Variants in LDB2 observed in about 807,000 individuals in gnomAD.
LDB2 encodes LIM domain-binding protein 2.
A neutral mutation model predicts 44.3 loss-of-function variants in LDB2; 12 were observed. The ratio of observed to expected loss-of-function variants is 0.27; its 90% confidence interval spans 0.17 to 0.44. LDB2 has a LOEUF of 0.44. LDB2 is among the 20% of genes least tolerant of loss of function. The pLI is 1.00. For missense variants in LDB2, 344 were observed against 473.5 expected (o/e 0.73, Z 2.54); for synonymous variants, 164 against 174.8 (o/e 0.94, Z 0.49).
intron 2 of LDB2, among the ~76,000 whole-genome samples, chr4:16,679,235 T>C (rs1029454417): frequency 6.6e-6 from 1 of 152,142 alleles, no homozygotes; most frequent in Non-Finnish European, 1.5e-5. Flanking sequence ...AATGATTCTT[T>C]TAATTTTTGA....
intron 2 of LDB2, among the ~76,000 whole-genome samples, chr4:16,683,460 C>A (rs1446911903): frequency 6.6e-6 from 1 of 152,182 alleles, no homozygotes; most frequent in East Asian, 1.9e-4. Flanking sequence ...CCACTTGATA[C>A]CATTTATAAA....
At chr4:16,779,689 C>G (rs566510859) in intron 1 of LDB2, among the ~76,000 whole-genome samples, 112 of 152,288 alleles carry the variant, frequency 7.4e-4, no homozygotes, top group Non-Finnish European at 1.4e-3. Flanking sequence ...GCTGAGTAGT[C>G]AAAGGAAATG....
chr4:16,533,123 T>C lies in LDB2; in HGVS notation c.616-21019A>G, dbSNP rs549227827. On this transcript the variant is annotated intron_variant, in intron 5 of 7. Transcript: ENST00000304523. This position sits in a 1 kb window ranked among gnomAD's most constrained non-coding sequence, Gnocchi z 4.1. ...GATCCCAGGAAACCTCTCAGTCCCA[T>C]TCAGTGGGTTGGCTTGTTACCCTAG... 6.6e-6 allele frequency among the ~76,000 whole-genome samples: 1 copy of C among 152,268 alleles called. No homozygotes were observed. The highest frequency in any genetic ancestry group is 6.5e-5 in the Admixed American group (1 of 15,296).
chr4:16,530,969 A>C (rs1271869350), intron 5 of LDB2, among the ~76,000 whole-genome samples: 1 of 152,210 alleles, frequency 6.6e-6, no homozygotes, highest in Non-Finnish European at 1.5e-5. Flanking sequence ...TCCCAACAAG[A>C]TTAGGACTTA....
chr4:16,777,366 C>A (rs1413058132), intron 1 of LDB2, among the ~76,000 whole-genome samples: 1 of 151,864 alleles, frequency 6.6e-6, no homozygotes, highest in African/African-American at 2.4e-5. Flanking sequence ...ATTTGGTCAG[C>A]CGACATGAGG....
chr4:16,575,154 G>A (rs1287470003), intron 5 of LDB2, among the ~76,000 whole-genome samples: 1 of 152,094 alleles, frequency 6.6e-6, no homozygotes, highest in Non-Finnish European at 1.5e-5. Context: ...AGGCATATTT[G>A]TAGCTATTTT....
chr4:16,608,436 G>A (rs974467397), intron 2 of LDB2, among the ~76,000 whole-genome samples: 2 of 152,122 alleles, frequency 1.3e-5, no homozygotes, highest in African/African-American at 4.8e-5. Context: ...GCAGCAGGAC[G>A]GAACAGCCCA....
At chr4:16,539,484 A>T (rs1038616989) in intron 5 of LDB2, among the ~76,000 whole-genome samples, 1 of 152,128 alleles carries the variant, frequency 6.6e-6, no homozygotes, top group Non-Finnish European at 1.5e-5. Context: ...CACTTAGGTG[A>T]CCATGGTGAT....
intron 5 of LDB2, among the ~76,000 whole-genome samples, chr4:16,562,026 C>A (rs528694701): frequency 6.6e-6 from 1 of 152,290 alleles, no homozygotes; most frequent in South Asian, 2.1e-4. Context: ...ATGTAGAAAG[C>A]TGAAACTGGA....
At chr4:16,732,212 C>T (rs1397953009) in intron 2 of LDB2, among the ~76,000 whole-genome samples, 1 of 152,188 alleles carries the variant, frequency 6.6e-6, no homozygotes, top group African/African-American at 2.4e-5. Flanking sequence ...CTTGCCTTTT[C>T]AAAGGGGCTT....
intron 2 of LDB2, among the ~76,000 whole-genome samples, chr4:16,636,230 CACA>C (rs1733562384): frequency 6.6e-6 from 1 of 152,168 alleles, no homozygotes; most frequent in African/African-American, 2.4e-5. Flanking sequence ...AGGACCACAC[CACA>C]ACGTCAGTGA....
At chr4:16,697,070 C>T (rs990141956) in intron 2 of LDB2, among the ~76,000 whole-genome samples, 1 of 152,076 alleles carries the variant, frequency 6.6e-6, no homozygotes, top group Admixed American at 6.5e-5. Flanking sequence ...AAAGGAGCCT[C>T]AAGAACTGCC....
chr4:16,634,839 C>T (rs971185741), intron 2 of LDB2, among the ~76,000 whole-genome samples: 3 of 152,136 alleles, frequency 2.0e-5, no homozygotes, highest in African/African-American at 7.2e-5. Flanking sequence ...GACACATGCA[C>T]ACGTATGTTT....
intron 5 of LDB2, among the ~76,000 whole-genome samples, chr4:16,554,378 T>C (rs980125651): frequency 2.4e-4 from 37 of 152,156 alleles, no homozygotes; most frequent in African/African-American, 8.9e-4. Flanking sequence ...AACTCATCTT[T>C]TGTTTCCCAT....
intron 5 of LDB2, among the ~76,000 whole-genome samples, chr4:16,563,510 ACG>A (rs760849369): frequency 0.17 from 22,007 of 128,036 alleles, 2,514 homozygotes; most frequent in East Asian, 0.6. Context: ...GTGCAGTGGC[ACG>A]ATCTCGGCTC....
At chr4:16,780,716 AT>A (rs113785808) in intron 1 of LDB2, among the ~76,000 whole-genome samples, 8,410 of 144,982 alleles carry the variant, frequency 0.058, 698 homozygotes, top group African/African-American at 0.19. Flanking sequence ...GGGTATTTCA[AT>A]TTTTTTTTTT....
intron 1 of LDB2, among the ~76,000 whole-genome samples, chr4:16,882,911 C>T (rs972444719): frequency 1.6e-4 from 24 of 152,156 alleles, no homozygotes; most frequent in African/African-American, 5.8e-4. Context: ...AGTCTTAGTT[C>T]AGATGAATTT....
intron 2 of LDB2, among the ~76,000 whole-genome samples, chr4:16,690,534 GA>G (rs1750488058): frequency 7.9e-5 from 5 of 63,394 alleles, no homozygotes; most frequent in East Asian, 5.6e-4. Flanking sequence ...GGGAGGGAGG[GA>G]GGGAGGTTGG....
chr4:16,851,329 G>A (rs963905014), intron 1 of LDB2, among the ~76,000 whole-genome samples: 1 of 152,034 alleles, frequency 6.6e-6, no homozygotes, highest in South Asian at 2.1e-4. Context: ...AATAGTATGG[G>A]GAGTAAATGG....
Sources: allele counts gnomAD v4.1 joint callset (sites outside exome capture counted in the v4.1 genomes callset), GRCh38; gene constraint gnomAD v4.1.1; non-coding constraint Gnocchi (gnomAD v3.1); transcripts MANE v1.5; gene names NCBI Gene and HGNC (gene_info 2026-07-23, HGNC 2026-07-21).